RGS6: variants seen among roughly 807,000 people sequenced by gnomAD.
RGS6 encodes the protein regulator of G-protein signaling 6.
In RGS6, 30 loss-of-function variants were observed where a neutral mutation model predicts 78.5. The observed-to-expected ratio is 0.38, with a 90% CI of 0.29 to 0.52. The LOEUF is 0.52. Among genes scored for constraint, RGS6 ranks in the 20% least tolerant of loss-of-function variants. The probability of loss-of-function intolerance (pLI) is 0.85; values close to 1 mark genes in which losing one functional copy is unlikely to be tolerated. For missense variants in RGS6, 495 were observed against 609.7 expected (o/e 0.81, Z 1.98); for synonymous variants, 206 against 206.0 (o/e 1.00, Z 0.00).
intron 2 of RGS6, among the ~76,000 whole-genome samples, chr14:72,137,612 C>T (rs1019516369): frequency 2.0e-5 from 3 of 152,210 alleles, no homozygotes. Flanking sequence ...AAATGCTTTA[C>T]TTGCTACTGC....
chr14:72,091,866 C>T (rs1481192195), intron 2 of RGS6, among the ~76,000 whole-genome samples: 1 of 152,134 alleles, frequency 6.6e-6, no homozygotes. Context: ...AATACAGCAA[C>T]CCAGAAGATG....
intron 3 of RGS6, among the ~76,000 whole-genome samples, chr14:72,354,115 G>C (rs1232066982): frequency 6.6e-6 from 1 of 152,102 alleles, no homozygotes; most frequent in Non-Finnish European, 1.5e-5. Context: ...GCTCATTATT[G>C]AGACTGTCAC....
chr14:72,083,999 A>G (rs1194304805), intron 2 of RGS6, among the ~76,000 whole-genome samples: 2 of 152,204 alleles, frequency 1.3e-5, no homozygotes, highest in Non-Finnish European at 2.9e-5. Context: ...ATGATATTCC[A>G]TGTTGTATAG....
At chr14:71,875,246 A>G in the RGS6 span, among the ~76,000 whole-genome samples, 1 of 152,166 alleles carries the variant, frequency 6.6e-6, no homozygotes, top group Non-Finnish European at 1.5e-5. Context: ...TACCTCTGGT[A>G]GAATTTGGCT....
intron 1 of RGS6, among the ~76,000 whole-genome samples, chr14:71,953,610 AG>A (rs2092536031): frequency 6.6e-6 from 1 of 152,192 alleles, no homozygotes; most frequent in Admixed American, 6.5e-5. Context: ...TAAATTGTCA[AG>A]GGCTGTTCCA....
intron 2 of RGS6, among the ~76,000 whole-genome samples, chr14:72,240,859 A>C (rs2052585492): frequency 6.6e-6 from 1 of 152,172 alleles, no homozygotes; most frequent in South Asian, 2.1e-4. Context: ...TAATTCCTAC[A>C]ATTAAACTTA....
chr14:72,113,084 ACG>A (rs2095806737), intron 2 of RGS6, among the ~76,000 whole-genome samples: 2 of 151,530 alleles, frequency 1.3e-5, no homozygotes, highest in East Asian at 1.9e-4. Flanking sequence ...ACACGCATGC[ACG>A]CATGCATGCA....
chr14:72,120,524 C>T (rs1046772198), intron 2 of RGS6, among the ~76,000 whole-genome samples: 2 of 152,216 alleles, frequency 1.3e-5, no homozygotes, highest in Admixed American at 1.3e-4. Flanking sequence ...CATACCATAA[C>T]ATCACCAGCA....
intron 2 of RGS6, among the ~76,000 whole-genome samples, chr14:72,034,265 T>G (rs2153352053): frequency 6.6e-6 from 1 of 152,256 alleles, no homozygotes; most frequent in East Asian, 1.9e-4. Context: ...AAGGAAAAGC[T>G]TTCAGTTTTT....
chr14:72,190,903 T>C (rs2097315634), intron 2 of RGS6, among the ~76,000 whole-genome samples: 1 of 152,192 alleles, frequency 6.6e-6, no homozygotes, highest in African/African-American at 2.4e-5. Context: ...ATGTAGGCTG[T>C]CCCATCTAGT....
At chr14:72,407,776 G>T (rs1475107449) in intron 3 of RGS6, among the ~76,000 whole-genome samples, 1 of 152,212 alleles carries the variant, frequency 6.6e-6, no homozygotes, top group South Asian at 2.1e-4. Flanking sequence ...TGCTATTATG[G>T]CTGGATCATC....
chr14:72,473,216 G>A (rs1483813461), intron 9 of RGS6, among the ~76,000 whole-genome samples: 2 of 152,216 alleles, frequency 1.3e-5, no homozygotes, highest in African/African-American at 4.8e-5. Context: ...GGCCGAGGTG[G>A]GTGGATCACG....
intron 3 of RGS6, among the ~76,000 whole-genome samples, chr14:72,434,882 CTG>C (rs1192689041): frequency 6.6e-6 from 1 of 152,046 alleles, no homozygotes; most frequent in Non-Finnish European, 1.5e-5. Flanking sequence ...TCTGCAATCT[CTG>C]TGTCAGTCCT....
chr14:72,307,072 A>G (rs935419384), intron 2 of RGS6, among the ~76,000 whole-genome samples: 7 of 152,210 alleles, frequency 4.6e-5, no homozygotes, highest in African/African-American at 1.4e-4. Context: ...TTCAGCAACC[A>G]TTATCCTCAT....
At chr14:72,041,452 C>A (rs1237421042) in intron 2 of RGS6, among the ~76,000 whole-genome samples, 1 of 152,190 alleles carries the variant, frequency 6.6e-6, no homozygotes, top group Non-Finnish European at 1.5e-5. Context: ...TTCTCTGCAG[C>A]CCTAGATGTC....
Position 71,944,805 on chromosome 14 carries a change from G to T in RGS6, c.-21+11864G>T, listed in dbSNP as rs113596255. Among the ~76,000 whole-genome samples the T allele has an allele frequency of 2.0e-3, 304 of 152,194 alleles. 1 individual carries two copies. Among genetic ancestry groups the T allele is most frequent in the Middle Eastern group, 6.8e-3 (2 of 294 alleles). On this transcript the variant is annotated intron_variant, in intron 1 of 17. Coordinates refer to ENST00000553525, the MANE Select transcript of RGS6 (RefSeq NM_001204424.2). ...GAGAAATGTATCATTAGGTGATTTT[G>T]TTGTTGTGTGAACACCCTAGAGTGT... is the stretch of plus-strand genomic sequence containing the variant.
In RGS6 at chr14:72,472,833, A is replaced by G. The variant is rs374900092; in HGVS notation, c.537-39A>G. ...CAAGTGTCAGAAGGGAAAACAGAATACAGAGCTTCTTATTTCCTTCCTCTC... is the reference window on the plus strand; with the variant it reads ...CAAGTGTCAGAAGGGAAAACAGAATGCAGAGCTTCTTATTTCCTTCCTCTC... On this transcript the variant is annotated intron_variant, in intron 8 of 17. Coordinates refer to ENST00000553525, the MANE Select transcript of RGS6 (RefSeq NM_001204424.2). The G allele has an allele frequency of 2.2e-4, 314 of 1,458,202 alleles. 1 individual carries two copies. In the African/African-American group the frequency reaches 3.8e-3, roughly 18 times the overall value. The allele number at this position is 1,458,202 out of a possible 1,614,324, so 90.3% of individuals were successfully genotyped here. A position where few individuals can be genotyped will look rare whatever the true frequency, so the allele number is the denominator to read the frequency against.
chr14:72,470,400 C>T (rs2096041099), intron 8 of RGS6, among the ~76,000 whole-genome samples: 1 of 152,234 alleles, frequency 6.6e-6, no homozygotes, highest in African/African-American at 2.4e-5. Context: ...AGGCTGAAAT[C>T]CCATTTTACC....
rs146154383 is a variant in RGS6, at chr14:72,544,501, C to T, written c.1422+4407C>T. Among the ~76,000 whole-genome samples the T allele has an allele frequency of 8.2e-3, 1,240 of 152,142 alleles. 8 individuals carry two copies. Among genetic ancestry groups the T allele is most frequent in the East Asian group, 0.042 (215 of 5,162 alleles). ...GTGCCAGAGCAAGCACTGGAGGCCA[C>T]GGAGGAGAAGGGAGAGGAGGACCAG... On this transcript the variant is annotated intron_variant, in intron 17 of 17. Transcript: ENST00000553525.
Sources: gnomAD v4.1 joint callset for allele counts (sites outside exome capture counted in the v4.1 genomes callset) on GRCh38, gnomAD v4.1.1 for gene constraint, MANE v1.5 for transcripts, NCBI Gene and HGNC (gene_info 2026-07-23, HGNC 2026-07-21) for gene names.